The following TRPM3 variants were observed in gnomAD, a reference collection of about 807,000 sequenced individuals.
The protein encoded by TRPM3 is long transient receptor potential channel 3.
TRPM3 carries 77 observed loss-of-function variants against 181.2 expected under a neutral mutation model. The observed-to-expected ratio is 0.42, with a 90% confidence interval of 0.35 to 0.51. The LOEUF is 0.51. Ranked by LOEUF, TRPM3 falls within the 20% of genes least tolerant of loss-of-function variation. The pLI, the probability that TRPM3 is intolerant of heterozygous loss-of-function variation, is 0.01. For synonymous variants in TRPM3, 745 were observed against 796.4 expected (o/e 0.94, Z 1.09); for missense variants, 1,759 against 2,196.7 (o/e 0.80, Z 3.98).
Position 71,411,427 on chromosome 9 carries a change from G to A in TRPM3, c.183+35226C>T, listed in dbSNP as rs28875943. Among the ~76,000 whole-genome samples the A allele has an allele frequency of 6.9e-3, 1,056 of 152,258 alleles. 16 individuals carry two copies. Among genetic ancestry groups the A allele is most frequent in the African/African-American group, 0.024 (980 of 41,562 alleles). On this transcript the variant is annotated intron_variant, in intron 1 of 24. Coordinates refer to the TRPM3 transcript ENST00000357533. ...AAGTCTCAGGATACAAAATCAATGTGCAAAAATCACAAGCATTCCTATACA... is the reference window on the plus strand; with the variant it reads ...AAGTCTCAGGATACAAAATCAATGTACAAAAATCACAAGCATTCCTATACA...
chr9:71,180,189 G>A (rs371140112), intron 1 of TRPM3, among the ~76,000 whole-genome samples: 1 of 151,128 alleles, frequency 6.6e-6, no homozygotes, highest in Non-Finnish European at 1.5e-5. Context: ...TGAGTAGCTG[G>A]GATTACAGAT....
chr9:71,405,670 A>G (rs560982942), intron 1 of TRPM3, among the ~76,000 whole-genome samples: 1 of 152,348 alleles, frequency 6.6e-6, no homozygotes, highest in African/African-American at 2.4e-5. Flanking sequence ...GTTTTGTAAT[A>G]AAATGTCATT....
chr9:70,558,831 G>A (rs1204569052), intron 22 of TRPM3, among the ~76,000 whole-genome samples: 1 of 152,158 alleles, frequency 6.6e-6, no homozygotes, highest in African/African-American at 2.4e-5. Context: ...TCAAACATTT[G>A]GAGATTCAGA....
chr9:70,791,970 G>A (rs778287775), intron 6 of TRPM3, among the ~76,000 whole-genome samples: 4 of 151,974 alleles, frequency 2.6e-5, no homozygotes, highest in East Asian at 1.9e-4. Context: ...TCTAGTAATC[G>A]GAGGACAAAG....
intron 1 of TRPM3, among the ~76,000 whole-genome samples, chr9:71,420,689 GGGAA>G (rs2093720248): frequency 1.0e-4 from 4 of 39,652 alleles, no homozygotes; most frequent in Admixed American, 7.9e-4. Context: ...GAAAGAGAAA[GGGAA>G]AGAGAAAGAG....
intron 7 of TRPM3, among the ~76,000 whole-genome samples, chr9:70,781,224 C>T (rs1312410423): frequency 2.7e-5 from 4 of 145,780 alleles, no homozygotes; most frequent in South Asian, 2.2e-4. Context: ...ACTTGGGAGG[C>T]GGAGGAAGGA....
chr9:70,795,851 T>TA (rs1219583753), intron 6 of TRPM3, among the ~76,000 whole-genome samples: 7 of 152,232 alleles, frequency 4.6e-5, no homozygotes, highest in African/African-American at 1.7e-4. Context: ...GTCAATACAT[T>TA]ACCAGGACAT....
chr9:70,563,274 A>G (rs2049615790), intron 22 of TRPM3, among the ~76,000 whole-genome samples: 1 of 152,158 alleles, frequency 6.6e-6, no homozygotes, highest in South Asian at 2.1e-4. Context: ...CCCAGCCCAG[A>G]CCAGAAGAAC....
At chr9:70,613,858 G>A (rs1003577384) in intron 18 of TRPM3, among the ~76,000 whole-genome samples, 2 of 152,150 alleles carry the variant, frequency 1.3e-5, no homozygotes, top group East Asian at 3.8e-4. Flanking sequence ...CTGAGCAGGG[G>A]AAGCTACCTC....
At chr9:70,897,569 G>A (rs1172468753) in intron 1 of TRPM3, among the ~76,000 whole-genome samples, 2 of 152,038 alleles carry the variant, frequency 1.3e-5, no homozygotes, top group Admixed American at 6.5e-5. Context: ...GTAACAGCCC[G>A]CAAGGTCTAG....
chr9:70,898,747 C>CAAAAAA (rs34952516), intron 1 of TRPM3, among the ~76,000 whole-genome samples: 33 of 93,274 alleles, frequency 3.5e-4, no homozygotes, highest in African/African-American at 4.2e-4. Context: ...GACTTCATCT[C>CAAAAAA]AAAAAAAAAA....
intron 1 of TRPM3, among the ~76,000 whole-genome samples, chr9:71,208,240 G>T (rs568761562): frequency 6.6e-6 from 1 of 152,098 alleles, no homozygotes; most frequent in Non-Finnish European, 1.5e-5. Context: ...ACCTTAGCTG[G>T]AACTGATTAC....
chr9:71,381,348 G>C (rs9696318), intron 1 of TRPM3, among the ~76,000 whole-genome samples: 3,784 of 152,162 alleles, frequency 0.025, 99 homozygotes, highest in African/African-American at 0.063. Context: ...GAAGACAGTA[G>C]GTGGGTATAT....
chr9:71,138,910 T>C (rs1466626551), intron 1 of TRPM3, among the ~76,000 whole-genome samples: 2 of 152,160 alleles, frequency 1.3e-5, no homozygotes, highest in Admixed American at 1.3e-4. Flanking sequence ...TGAACACTAC[T>C]GCTCAGGGCC....
intron 1 of TRPM3, among the ~76,000 whole-genome samples, chr9:71,429,586 T>C (rs962795522): frequency 1.3e-5 from 2 of 152,220 alleles, no homozygotes; most frequent in African/African-American, 4.8e-5. Flanking sequence ...GCTTCCAGTA[T>C]CCTAAAGGCC....
At chr9:71,119,207 A>C (rs1587443813) in intron 1 of TRPM3, among the ~76,000 whole-genome samples, 2 of 152,342 alleles carry the variant, frequency 1.3e-5, no homozygotes, top group East Asian at 3.9e-4. Context: ...TCTTTCAAAA[A>C]TACAGATGTC....
intron 1 of TRPM3, among the ~76,000 whole-genome samples, chr9:71,032,075 T>TATATATTAACCTTAATGGTGG (rs1565024496): frequency 0.029 from 57 of 1,934 alleles, 5 homozygotes; most frequent in South Asian, 0.034. Flanking sequence ...TATTATATTA[T>TATATATTAACCTTAATGGTGG]ATTATATATA....
intron 25 of TRPM3, among the ~76,000 whole-genome samples, chr9:70,543,879 T>C (rs537807189): frequency 3.9e-5 from 6 of 152,256 alleles, no homozygotes; most frequent in African/African-American, 1.2e-4. Context: ...TAAATGCCTA[T>C]AGGCAGGCAG....
At chr9:71,216,331 C>G (rs933615555) in intron 1 of TRPM3, among the ~76,000 whole-genome samples, 1 of 152,208 alleles carries the variant, frequency 6.6e-6, no homozygotes, top group Non-Finnish European at 1.5e-5. Context: ...AAGATCTTTA[C>G]ACTTATTTCT....
Sources: gnomAD v4.1 joint callset for allele counts (sites outside exome capture counted in the v4.1 genomes callset) on GRCh38, gnomAD v4.1.1 for gene constraint, MANE v1.5 for transcripts, NCBI Gene and HGNC (gene_info 2026-07-23, HGNC 2026-07-21) for gene names.